The following RANBP2 variants were observed in gnomAD, a reference collection of about 807,000 sequenced individuals.
RANBP2 encodes E3 SUMO-protein ligase RanBP2.
Under a neutral mutation model 303.6 loss-of-function variants are expected in RANBP2, and 57 were observed. That is an observed-to-expected ratio of 0.19 (90% CI 0.15 to 0.23). RANBP2 has a LOEUF of 0.23. Among genes scored for constraint, RANBP2 ranks in the 10% least tolerant of loss-of-function variants. The probability of loss-of-function intolerance (pLI) is 1.00; values close to 1 mark genes in which losing one functional copy is unlikely to be tolerated. For missense variants in RANBP2, 3,138 were observed against 3,780.8 expected (o/e 0.83, Z 4.46); for synonymous variants, 1,167 against 1,301.5 (o/e 0.90, Z 2.23).
chr2:109,047,800 C>T, the RANBP2 span, among the ~76,000 whole-genome samples: 1 of 152,230 alleles, frequency 6.6e-6, no homozygotes. Flanking sequence ...CAGAGCGAGA[C>T]TCCATCTCAA....
the RANBP2 span, among the ~76,000 whole-genome samples, chr2:108,947,094 A>G: frequency 6.6e-6 from 1 of 152,176 alleles, no homozygotes; most frequent in Non-Finnish European, 1.5e-5. Flanking sequence ...TCCATTCCAA[A>G]TGGGAAAAAT....
At chr2:109,206,739 C>T in the RANBP2 span, among the ~76,000 whole-genome samples, 1 of 152,002 alleles carries the variant, frequency 6.6e-6, no homozygotes. Flanking sequence ...TTGCTTAAGC[C>T]CAGGAGTTCA....
chr2:109,120,621 C>A, the RANBP2 span, among the ~76,000 whole-genome samples: 1 of 142,748 alleles, frequency 7.0e-6, no homozygotes, highest in African/African-American at 2.6e-5. Flanking sequence ...GAGCCGAGAT[C>A]GCGCCATTGC....
chr2:108,806,834 C>G, the RANBP2 span, among the ~76,000 whole-genome samples: 1 of 152,176 alleles, frequency 6.6e-6, no homozygotes, highest in Non-Finnish European at 1.5e-5. Flanking sequence ...CTCATTAAGT[C>G]TAGCCAAGCT....
the RANBP2 span, among the ~76,000 whole-genome samples, chr2:109,562,293 CCT>C: frequency 1.3e-5 from 2 of 151,602 alleles, no homozygotes; most frequent in African/African-American, 2.4e-5. Context: ...TGTCACTACC[CCT>C]CTCTTTCACG....
chr2:109,040,539 ATTAAT>A, the RANBP2 span, among the ~76,000 whole-genome samples: 15 of 152,338 alleles, frequency 9.8e-5, no homozygotes, highest in East Asian at 1.9e-3. Context: ...TTAAATCTAG[ATTAAT>A]TTAAGGAGAA....
At chr2:109,277,457 G>T in the RANBP2 span, among the ~76,000 whole-genome samples, 2 of 152,168 alleles carry the variant, frequency 1.3e-5, no homozygotes, top group African/African-American at 4.8e-5. Context: ...AGTATCTCCC[G>T]TGAAGAGTCC....
the RANBP2 span, among the ~76,000 whole-genome samples, chr2:108,967,549 G>A: frequency 1.3e-5 from 2 of 152,088 alleles, no homozygotes; most frequent in Non-Finnish European, 1.5e-5. Context: ...TGCACAACAA[G>A]TGACTTCCTA....
At chr2:109,432,448 C>A in the RANBP2 span, 1 of 1,602,006 alleles carries the variant, frequency 6.2e-7, no homozygotes. Flanking sequence ...GCCGGCCGGT[C>A]CCCTATCCCC....
chr2:109,196,285 C>T, the RANBP2 span, among the ~76,000 whole-genome samples: 38 of 152,198 alleles, frequency 2.5e-4, no homozygotes, highest in Admixed American at 2.5e-3. Flanking sequence ...CTGGGCTGCT[C>T]CAGGCCAGCA....
the RANBP2 span, among the ~76,000 whole-genome samples, chr2:109,204,543 A>T: frequency 6.6e-6 from 1 of 152,210 alleles, no homozygotes. Flanking sequence ...TGTGCAATGT[A>T]CAATGTACAC....
the RANBP2 span, among the ~76,000 whole-genome samples, chr2:109,428,469 C>G: frequency 6.6e-6 from 1 of 152,242 alleles, no homozygotes; most frequent in East Asian, 1.9e-4. Context: ...GTCGGCCCAG[C>G]CGCCAGCCTA....
the RANBP2 span, among the ~76,000 whole-genome samples, chr2:109,057,817 G>A: frequency 5.9e-5 from 9 of 152,214 alleles, no homozygotes; most frequent in Non-Finnish European, 1.5e-5. Flanking sequence ...CCAGCTTGCG[G>A]TGGTTACTCA....
At position 108,719,497 on chromosome 2, in the gene RANBP2, C is replaced by G. The variant is rs530872470; in HGVS notation, c.-110C>G. The G allele has an allele frequency of 5.9e-6, 9 of 1,516,414 alleles. No individual in the cohort carries two copies. The highest frequency in any genetic ancestry group is 7.1e-6 in the Non-Finnish European group (8 of 1,125,836). 93.9% of individuals were successfully genotyped at this position (1,516,414 alleles called of 1,614,324 possible). A position where few individuals can be genotyped will look rare whatever the true frequency, so the allele number is the denominator to read the frequency against. ...CAAGTTCGTCACAGTGGTCCTCCGC[C>G]GGCTACGGCGCTGCGTCACTGGTTT... On this transcript the variant is annotated 5_prime_UTR_variant, in exon 1 of 29. Coordinates refer to ENST00000283195, the MANE Select transcript of RANBP2 (RefSeq NM_006267.5).
the RANBP2 span, among the ~76,000 whole-genome samples, chr2:109,034,252 C>G: frequency 9.2e-6 from 1 of 108,274 alleles, no homozygotes; most frequent in Non-Finnish European, 1.7e-5. Flanking sequence ...AGCCTGGAGA[C>G]ACAGTGAGAC....
chr2:108,997,682 G>T, the RANBP2 span, among the ~76,000 whole-genome samples: 2 of 151,934 alleles, frequency 1.3e-5, no homozygotes, highest in African/African-American at 4.8e-5. Context: ...ACGAGGTCAG[G>T]AGTTCAAGAC....
the RANBP2 span, among the ~76,000 whole-genome samples, chr2:109,506,793 A>G: frequency 2.0e-5 from 3 of 152,212 alleles, no homozygotes; most frequent in Non-Finnish European, 4.4e-5. Context: ...GATGGTTCTG[A>G]CAGGGGGCTC....
At chr2:108,742,513 C>T (rs1696194045) in intron 7 of RANBP2, among the ~76,000 whole-genome samples, 1 of 151,652 alleles carries the variant, frequency 6.6e-6, no homozygotes, top group Non-Finnish European at 1.5e-5. Flanking sequence ...ACCATGTTAG[C>T]CAGGATGGTC....
chr2:109,056,011 G>A, the RANBP2 span, among the ~76,000 whole-genome samples: 1 of 150,272 alleles, frequency 6.7e-6, no homozygotes, highest in Non-Finnish European at 1.5e-5. Context: ...ACCCGCCTCA[G>A]CCTCCCAAAG....
Sources: allele counts gnomAD v4.1 joint callset (sites outside exome capture counted in the v4.1 genomes callset), GRCh38; gene constraint gnomAD v4.1.1; transcripts MANE v1.5; gene names NCBI Gene and HGNC (gene_info 2026-07-23, HGNC 2026-07-21).